The following PITPNM2 variants were observed in gnomAD, a reference collection of about 807,000 sequenced individuals.
The protein encoded by PITPNM2 is membrane-associated phosphatidylinositol transfer protein 2.
In PITPNM2, 35 loss-of-function variants were observed where a neutral mutation model predicts 132.2. That is an observed-to-expected ratio of 0.26 (90% CI 0.20 to 0.35). The LOEUF (loss-of-function observed/expected upper bound fraction) is 0.35. Ranked by LOEUF, PITPNM2 falls within the 10% of genes least tolerant of loss-of-function variation. PITPNM2 has a pLI of 1.00. For synonymous variants in PITPNM2, 738 were observed against 799.2 expected (o/e 0.92, Z 1.29); for missense variants, 1,332 against 1,912.0 (o/e 0.70, Z 5.66).
At chr12:123,068,455 T>TAATA (rs138118886) in intron 2 of PITPNM2, among the ~76,000 whole-genome samples, 3,248 of 147,184 alleles carry the variant, frequency 0.022, 58 homozygotes, top group East Asian at 0.051. Context: ...CTCCAAAAAA[T>TAATA]AATAAATAAA....
In PITPNM2 at chr12:123,001,620, T is replaced by C. The variant is rs566219638; in HGVS notation, c.1049-462A>G. On this transcript the variant is annotated intron_variant, in intron 8 of 25. Coordinates refer to ENST00000320201, the MANE Select transcript of PITPNM2 (RefSeq NM_020845.3). ...GCATAGGGTTTCTGGGGCTCCTCTA[T>C]GTTGTAGTGTGTGTCAGATGCTTCA... Among the ~76,000 whole-genome samples the C allele has an allele frequency of 4.6e-5, 7 of 152,362 alleles. No homozygotes were observed. The East Asian group carries it at 9.6e-4, about 21-fold the overall frequency.
At chr12:123,013,661 G>C (rs1164163879) in intron 4 of PITPNM2, among the ~76,000 whole-genome samples, 167 bp downstream of exon 4, 1 of 152,232 alleles carries the variant, frequency 6.6e-6, no homozygotes, top group Non-Finnish European at 1.5e-5. Flanking sequence ...GCCTGCCCTA[G>C]GTGACCTTCG....
chr12:122,988,496 C>T (rs2038036629), intron 19 of PITPNM2, 146 bp from the exon 20 acceptor site: 1 of 789,418 alleles, frequency 1.3e-6, no homozygotes, highest in Non-Finnish European at 2.1e-6. Flanking sequence ...TGCCCAGTAG[C>T]CCTCAGACCC....
At chr12:123,034,334 C>T (rs963053655) in intron 3 of PITPNM2, 179 bp downstream of exon 3, 4 of 602,220 alleles carry the variant, frequency 6.6e-6, no homozygotes, top group Non-Finnish European at 8.8e-6. Context: ...CCATGGTGTG[C>T]TCTGTGCGCC....
intron 1 of PITPNM2, among the ~76,000 whole-genome samples, chr12:123,120,517 GC>G (rs1379767596): frequency 1.3e-5 from 2 of 152,202 alleles, no homozygotes; most frequent in Non-Finnish European, 2.9e-5. Context: ...AAGAGTCAGA[GC>G]CCTCAGCCAG....
intron 8 of PITPNM2, among the ~76,000 whole-genome samples, chr12:123,002,465 T>C (rs952879413): frequency 6.6e-6 from 1 of 152,162 alleles, no homozygotes; most frequent in African/African-American, 2.4e-5. Flanking sequence ...CAGGCTGGAG[T>C]GTAGTGGCAC....
chr12:123,017,875 T>C (rs373443750), intron 3 of PITPNM2, among the ~76,000 whole-genome samples: 1 of 152,054 alleles, frequency 6.6e-6, no homozygotes, highest in Non-Finnish European at 1.5e-5. Context: ...ATGGGGGAAA[T>C]GAAGAGTGAT....
At chr12:123,016,355 C>T (rs961893508) in intron 3 of PITPNM2, among the ~76,000 whole-genome samples, 1 of 149,604 alleles carries the variant, frequency 6.7e-6, no homozygotes, top group African/African-American at 2.5e-5. Context: ...CTCGCTCTGT[C>T]ACCAGGCTGG....
Position 122,993,415 on chromosome 12 carries a change from C to T in PITPNM2, c.2234-746G>A, listed in dbSNP as rs2038285489. Reference sequence around the variant, plus strand: ...GTTGTGTTAATTATTAGTGCTGTATCTCACTTTTAGAGGGACATAAACCAG... The same window carrying T: ...GTTGTGTTAATTATTAGTGCTGTATTTCACTTTTAGAGGGACATAAACCAG... On this transcript the variant is annotated intron_variant, in intron 15 of 25. Coordinates refer to ENST00000320201, the MANE Select transcript of PITPNM2 (RefSeq NM_020845.3). The surrounding 1 kb of genome is among the most constrained non-coding windows in gnomAD (Gnocchi z 5.2). 6.6e-6 allele frequency among the ~76,000 whole-genome samples: 1 copy of T among 152,222 alleles called. No individual in the cohort carries two copies. Among genetic ancestry groups the T allele is most frequent in the South Asian group, 2.1e-4 (1 of 4,832 alleles).
At chr12:123,040,706 T>C (rs1018480094) in intron 2 of PITPNM2, among the ~76,000 whole-genome samples, 3 of 152,072 alleles carry the variant, frequency 2.0e-5, no homozygotes, top group Admixed American at 6.5e-5. Flanking sequence ...AAAAAGATCA[T>C]GTAGAACACG....
At chr12:123,052,521 G>C (rs537339364) in intron 2 of PITPNM2, among the ~76,000 whole-genome samples, 12 of 152,180 alleles carry the variant, frequency 7.9e-5, no homozygotes, top group Non-Finnish European at 1.6e-4. Flanking sequence ...TTGGGAAGCT[G>C]AGGTTGGAAG....
In PITPNM2 at chr12:122,995,375, C is replaced by G. The variant is rs2136112916; in HGVS notation, c.2054+14G>C. ...ACACCCAGAGGCAAGCCCCAGCCCC[C>G]CAGCCCTGCCCACCTGGACAGGAAG... On this transcript the variant is annotated intron_variant, in intron 14 of 25. Coordinates refer to ENST00000320201, the MANE Select transcript of PITPNM2 (RefSeq NM_020845.3). 6.3e-7 allele frequency: 1 copy of G among 1,575,420 alleles called. No individual in the cohort carries two copies. Among genetic ancestry groups the G allele is most frequent in the Non-Finnish European group, 8.6e-7 (1 of 1,158,410 alleles).
At chr12:123,102,813 G>T (rs1376874358) in intron 2 of PITPNM2, among the ~76,000 whole-genome samples, 1 of 152,238 alleles carries the variant, frequency 6.6e-6, no homozygotes, top group Non-Finnish European at 1.5e-5. Flanking sequence ...CTAAGTGTAT[G>T]GGTCCTGGAG....
chr12:123,111,760 G>A lies in PITPNM2; in HGVS notation c.-199-1272C>T, dbSNP rs543702406. On this transcript the variant is annotated intron_variant, in intron 1 of 25. Coordinates refer to ENST00000320201, the MANE Select transcript of PITPNM2 (RefSeq NM_020845.3). This position sits in a 1 kb window ranked among gnomAD's most constrained non-coding sequence, Gnocchi z 4.1. ...ACACCCACATACACACTCAACCCCC[G>A]GAACAGATGAAACAGCCCAGGCACC... 5.9e-5 allele frequency among the ~76,000 whole-genome samples: 9 copies of A among 152,234 alleles called. No homozygotes were observed. Among genetic ancestry groups the A allele is most frequent in the Middle Eastern group, 3.4e-3 (1 of 294 alleles).
intron 2 of PITPNM2, among the ~76,000 whole-genome samples, chr12:123,060,552 G>A (rs570347278): frequency 4.6e-5 from 7 of 152,324 alleles, no homozygotes; most frequent in East Asian, 1.9e-4. Context: ...GGCCTGGAGG[G>A]AAGTGACTGC....
rs1219771595 is a variant in PITPNM2 at position 122,985,898 on chromosome 12, G to A, written c.*129C>T. The A allele has an allele frequency of 2.6e-5, 23 of 878,904 alleles. No individual in the cohort carries two copies. Among genetic ancestry groups the A allele is most frequent in the Admixed American group, 4.3e-5 (1 of 23,480 alleles). 54.4% of individuals were successfully genotyped at this position (878,904 alleles called of 1,614,324 possible). A position where few individuals can be genotyped will look rare whatever the true frequency, so the allele number is the denominator to read the frequency against. On this transcript the variant is annotated 3_prime_UTR_variant, in exon 26 of 26. Transcript: ENST00000320201. ...CAGGGAGCACTGTGTGGTGCGGCCC[G>A]TGTCCTCCACAAGGCCCTGGGACAA...
intron 2 of PITPNM2, among the ~76,000 whole-genome samples, chr12:123,040,458 A>T (rs2040425292): frequency 6.6e-6 from 1 of 152,210 alleles, no homozygotes; most frequent in African/African-American, 2.4e-5. Flanking sequence ...TATACTTTAA[A>T]TGAGTATATG....
At chr12:123,126,952 C>G (rs2043151617) in intron 1 of PITPNM2, among the ~76,000 whole-genome samples, 1 of 152,232 alleles carries the variant, frequency 6.6e-6, no homozygotes, top group Non-Finnish European at 1.5e-5. Context: ...CAACCAGGCT[C>G]TGTTCACTGG....
At chr12:123,011,179 G>C (rs1405433314) in intron 5 of PITPNM2, among the ~76,000 whole-genome samples, 1 of 152,108 alleles carries the variant, frequency 6.6e-6, no homozygotes. Flanking sequence ...CCTTTTTTGC[G>C]GTCGGTTCTG....
Sources: allele counts gnomAD v4.1 joint callset (sites outside exome capture counted in the v4.1 genomes callset), GRCh38; gene constraint gnomAD v4.1.1; non-coding constraint Gnocchi (gnomAD v3.1); transcripts MANE v1.5; gene names NCBI Gene and HGNC (gene_info 2026-07-23, HGNC 2026-07-21).